DAB2IP: variants seen among roughly 807,000 people sequenced by gnomAD.
DAB2IP encodes the protein disabled homolog 2-interacting protein.
In DAB2IP, 28 loss-of-function variants were observed where a neutral mutation model predicts 107.2. The ratio of observed to expected loss-of-function variants is 0.26; its 90% CI spans 0.19 to 0.36. DAB2IP has a LOEUF of 0.36. Ranked by LOEUF, DAB2IP falls within the 10% of genes least tolerant of loss-of-function variation. DAB2IP has a pLI of 1.00. For missense variants in DAB2IP, 1,400 were observed against 1,644.7 expected (o/e 0.85, Z 2.57); for synonymous variants, 755 against 706.4 (o/e 1.07, Z -1.09).
exon 2 of DAB2IP, chr9:121,678,679 G>A: frequency 6.4e-7 from 1 of 1,555,644 alleles, no homozygotes; most frequent in Non-Finnish European, 8.7e-7. Context: ...TGTTGGCAGA[G>A]TCGCCTCAAG....
At chr9:121,630,368 A>G (rs1271564040) in intron 1 of DAB2IP, among the ~76,000 whole-genome samples, 1 of 151,950 alleles carries the variant, frequency 6.6e-6, no homozygotes, top group East Asian at 2.0e-4. Flanking sequence ...TACTAAAAAC[A>G]CAAAAAATTA....
rs750277403 is a variant in DAB2IP at position 121,782,368 on chromosome 9, G to A, written c.3440G>A (p.Arg1147His). The A allele has an allele frequency of 2.2e-5, 35 of 1,613,816 alleles. No homozygotes were observed. Among genetic ancestry groups the A allele is most frequent in the South Asian group, 1.1e-5 (1 of 91,070 alleles). Residue 1147 changes from arginine (R) to histidine (H), a missense_variant, in exon 16 of 16, where the codon CGC becomes CAC. Transcript: ENST00000408936. This position sits in a 1 kb window ranked among gnomAD's most constrained non-coding sequence, Gnocchi z 6.1. ...GCCTCGTTGGATGCCGCCAATGCCC[G>A]CCTCATGAGTGCCCTGACCCAGCTG...
intron 1 of DAB2IP, among the ~76,000 whole-genome samples, chr9:121,582,071 C>G (rs1589375566): frequency 6.6e-6 from 1 of 152,168 alleles, no homozygotes; most frequent in South Asian, 2.1e-4. Flanking sequence ...GGACAGTCAT[C>G]TGGGGCCAAG....
At chr9:121,609,826 C>G (rs1831026954) in intron 1 of DAB2IP, among the ~76,000 whole-genome samples, 2 of 152,218 alleles carry the variant, frequency 1.3e-5, no homozygotes, top group Admixed American at 6.5e-5. Context: ...TCAGAGCCAC[C>G]CTGCTTCTCA....
chr9:121,706,061 C>T (rs113924625), intron 3 of DAB2IP, among the ~76,000 whole-genome samples: 1 of 152,196 alleles, frequency 6.6e-6, no homozygotes, highest in African/African-American at 2.4e-5. Context: ...TCTCTCTGCT[C>T]TGAGCTGCCA....
chr9:121,585,942 A>G (rs1589378648), intron 1 of DAB2IP, among the ~76,000 whole-genome samples: 2 of 152,246 alleles, frequency 1.3e-5, no homozygotes. Context: ...CCCGATCCTA[A>G]CCCATCAGTG....
exon 1 of DAB2IP, chr9:121,567,187 C>A (rs756630816): frequency 5.6e-5 from 90 of 1,614,020 alleles, no homozygotes; most frequent in Non-Finnish European, 7.5e-5. Flanking sequence ...GGCCCACACG[C>A]CATGGAGCCC....
chr9:121,780,769 A>G (rs935302877), intron 14 of DAB2IP, among the ~76,000 whole-genome samples: 1 of 152,186 alleles, frequency 6.6e-6, no homozygotes, highest in Admixed American at 6.5e-5. Flanking sequence ...AGGGAGCAGC[A>G]GGACGGAGCC....
chr9:121,653,050 C>A (rs996800337), intron 1 of DAB2IP, among the ~76,000 whole-genome samples: 1 of 152,080 alleles, frequency 6.6e-6, no homozygotes, highest in Non-Finnish European at 1.5e-5. Flanking sequence ...GTAGTTCAGT[C>A]CTCAAGGGTC....
chr9:121,763,474 G>T lies in DAB2IP; in HGVS notation c.1171-31G>T. On this transcript the variant is annotated intron_variant, in intron 6 of 15. Transcript: ENST00000408936. ...GGCCCTCCATGCCAGGCCAGCTCAG[G>T]TCCTGCTCTCTCCACCTCCTGCCTC... is the stretch of plus-strand genomic sequence containing the variant. 2.5e-6 allele frequency: 4 copies of T among 1,597,904 alleles called. No homozygotes were observed. The South Asian group carries it at 4.6e-5, about 18-fold the overall frequency.
intron 3 of DAB2IP, among the ~76,000 whole-genome samples, chr9:121,714,789 C>A (rs1008655998): frequency 5.9e-5 from 9 of 152,228 alleles, no homozygotes; most frequent in African/African-American, 2.2e-4. Context: ...GAGCCCAGAT[C>A]TGAAGGGTTT....
At chr9:121,581,333 C>T (rs1334671320) in intron 1 of DAB2IP, among the ~76,000 whole-genome samples, 1 of 152,202 alleles carries the variant, frequency 6.6e-6, no homozygotes, top group African/African-American at 2.4e-5. Flanking sequence ...AGGTTTCCGT[C>T]CCCCAATGTC....
At position 121,772,601 on chromosome 9, in the gene DAB2IP, C is replaced by T; in HGVS notation, c.2079-6C>T. The T allele has an allele frequency of 6.2e-7, 1 of 1,608,906 alleles. No individual in the cohort carries two copies. The highest frequency in any genetic ancestry group is 8.5e-7 in the Non-Finnish European group (1 of 1,176,752). ...TCTTTCCCTGTGTGTGCTTGTCTCC[C>T]TGCAGTCTGATAGATTTCACCCGGT... On this transcript the variant is annotated splice_polypyrimidine_tract_variant and splice_region_variant and intron_variant, in intron 11 of 15. Coordinates refer to ENST00000408936, the Ensembl canonical transcript of DAB2IP. This position sits in a 1 kb window ranked among gnomAD's most constrained non-coding sequence, Gnocchi z 4.7.
chr9:121,713,491 CA>C (rs1274137632), intron 3 of DAB2IP, among the ~76,000 whole-genome samples: 2 of 152,240 alleles, frequency 1.3e-5, no homozygotes, highest in Non-Finnish European at 2.9e-5. Context: ...TCCCGACTCT[CA>C]CCCTTTTCCT....
chr9:121,632,785 A>G (rs1831942409), intron 1 of DAB2IP, among the ~76,000 whole-genome samples: 1 of 152,254 alleles, frequency 6.6e-6, no homozygotes, highest in African/African-American at 2.4e-5. Context: ...GGAAGTGTCT[A>G]GACCAGCGTC....
At chr9:121,649,654 A>G (rs1302297980), upstream of DAB2IP, among the ~76,000 whole-genome samples, 1 of 152,156 alleles carries the variant, frequency 6.6e-6, no homozygotes, top group African/African-American at 2.4e-5. Flanking sequence ...GGACCTGGCT[A>G]CGGAGGTTAG....
intron 4 of DAB2IP, among the ~76,000 whole-genome samples, chr9:121,757,507 C>T (rs1434864751): frequency 6.6e-6 from 1 of 150,636 alleles, no homozygotes; most frequent in Non-Finnish European, 1.5e-5. Context: ...CTGCTCACCT[C>T]CCAAATGCAG....
rs1830562511 is a variant in DAB2IP, at chr9:121,597,907, A to C, written c.40+30679A>C. ...GCCTTCATTCAACAAGTAGCTCCTG[A>C]GTGATGACCGTGCCAGCTTCTGGTG... On this transcript the variant is annotated intron_variant, in intron 1 of 16. Transcript: ENST00000259371. Among the ~76,000 whole-genome samples, 3 of 152,142 alleles carry C rather than the reference A, an allele frequency of 2.0e-5. No individual in the cohort carries two copies. In the South Asian group the frequency reaches 6.2e-4, roughly 32 times the overall value.
intron 1 of DAB2IP, among the ~76,000 whole-genome samples, chr9:121,677,499 G>T (rs28446508): frequency 0.025 from 3,806 of 152,166 alleles, 157 homozygotes; most frequent in African/African-American, 0.084. Flanking sequence ...CAGCCTGAGC[G>T]AAAGAGTGAG....
Sources: gnomAD v4.1 joint callset for allele counts (sites outside exome capture counted in the v4.1 genomes callset) on GRCh38, gnomAD v4.1.1 for gene constraint, Gnocchi (gnomAD v3.1) non-coding constraint, MANE v1.5 for transcripts, NCBI Gene and HGNC (gene_info 2026-07-23, HGNC 2026-07-21) for gene names.